Variants in DICER1 observed in about 807,000 individuals in gnomAD.
DICER1 encodes the protein endoribonuclease Dicer.
A neutral mutation model predicts 194.1 loss-of-function variants in DICER1; 43 were observed. The observed-to-expected ratio is 0.22, with a 90% CI of 0.17 to 0.29. The LOEUF (loss-of-function observed/expected upper bound fraction) is 0.29. Among genes scored for constraint, DICER1 ranks in the 10% least tolerant of loss-of-function variants. DICER1 has a pLI of 1.00. For missense variants in DICER1, 1,608 were observed against 2,317.0 expected, an observed-to-expected ratio of 0.69 and a Z score of 6.28; for synonymous variants, 832 against 820.5, an observed-to-expected ratio of 1.01 and a Z score of -0.24.
chr14:95,146,855 C>T (rs151303305), intron 1 of DICER1, among the ~76,000 whole-genome samples: 105 of 151,702 alleles, frequency 6.9e-4, no homozygotes, highest in African/African-American at 2.5e-3. Flanking sequence ...CTTTTATTTA[C>T]AGTGAGACTA....
Position 95,103,553 on chromosome 14 carries a change from A to C in DICER1, c.3843T>G (p.Pro1281=), listed in dbSNP as rs968348779. 1.2e-6 allele frequency: 2 copies of C among 1,614,060 alleles called. No homozygotes were observed. Among genetic ancestry groups the C allele is most frequent in the African/African-American group, 2.7e-5 (2 of 74,930 alleles). Reference sequence around the variant, plus strand: ...GAGTCCTTGAGGAGTACCCAATAGAAGGGCTCTGCTCAGAATCCATCCTGC... The same window carrying C: ...GAGTCCTTGAGGAGTACCCAATAGACGGGCTCTGCTCAGAATCCATCCTGC... ...LKGRMDSEQS[P]SIGYSSRTLG... is the part of the protein sequence containing the mutation. The change falls in exon 21 of 27, where the codon CCT becomes CCG. Residue 1281 remains proline, a synonymous_variant. Transcript: ENST00000343455.
At chr14:95,154,672 G>A (rs1895725852) in intron 1 of DICER1, among the ~76,000 whole-genome samples, 1 of 152,174 alleles carries the variant, frequency 6.6e-6, no homozygotes, top group African/African-American at 2.4e-5. Context: ...ACAGGAAGTA[G>A]AATGGTGGTT....
At chr14:95,115,169 C>T (rs535927550) in intron 11 of DICER1, among the ~76,000 whole-genome samples, 1 of 152,194 alleles carries the variant, frequency 6.6e-6, no homozygotes, top group Non-Finnish European at 1.5e-5. Context: ...CTTATACTTG[C>T]TCTTTTGTCT....
chr14:95,129,335 C>G lies in DICER1; in HGVS notation c.734+137G>C. 5.2e-6 allele frequency: 4 copies of G among 771,312 alleles called. No individual in the cohort carries two copies. In the South Asian group the frequency reaches 6.4e-5, roughly 12 times the overall value. 47.8% of individuals were successfully genotyped at this position (771,312 alleles called of 1,614,324 possible). ...CAGGTAATGGTACTTATAGAGAATT[C>G]TTACTCTTGCCCATTCCTTTTTACT... On this transcript the variant is annotated intron_variant, in intron 6 of 26. Coordinates refer to ENST00000343455, the MANE Select transcript of DICER1 (RefSeq NM_177438.3).
rs1173178344 is a variant in DICER1, at chr14:95,105,306, A to C, written c.3094-60T>G. 24 of 1,462,568 alleles carry C rather than the reference A, an allele frequency of 1.6e-5. No homozygotes were observed. The highest frequency in any genetic ancestry group is 1.9e-6 in the Non-Finnish European group (2 of 1,049,158). The allele number at this position is 1,462,568 out of a possible 1,614,324, so 90.6% of individuals were successfully genotyped here. A position where few individuals can be genotyped will look rare whatever the true frequency, so the allele number is the denominator to read the frequency against. On this transcript the variant is annotated intron_variant, in intron 19 of 26. Coordinates refer to ENST00000343455, the MANE Select transcript of DICER1 (RefSeq NM_177438.3). This position sits in a 1 kb window ranked among gnomAD's most constrained non-coding sequence, Gnocchi z 4.9. ...AAAGCGCACACACAAAAGAAAAAAA[A>C]AAAGACCAATTTCACTAATGGATAA...
At chr14:95,153,840 C>CA (rs1895673912) in intron 1 of DICER1, among the ~76,000 whole-genome samples, 1 of 152,098 alleles carries the variant, frequency 6.6e-6, no homozygotes, top group Non-Finnish European at 1.5e-5. Context: ...AACTAGCCAT[C>CA]AAAAAATCAA....
chr14:95,157,690 G>T (rs907629799), upstream of DICER1: 1 of 152,434 alleles, frequency 6.6e-6, no homozygotes, highest in Admixed American at 6.5e-5. Context: ...AGGCCGGAGA[G>T]GCGTTTGCGG....
chr14:95,120,162 T>G (rs575239888), intron 8 of DICER1, among the ~76,000 whole-genome samples: 1 of 152,340 alleles, frequency 6.6e-6, no homozygotes, highest in South Asian at 2.1e-4. Flanking sequence ...TGAAATACAT[T>G]ATCAACAACT....
chr14:95,142,417 C>A (rs1450493880), intron 1 of DICER1, among the ~76,000 whole-genome samples: 1 of 152,100 alleles, frequency 6.6e-6, no homozygotes, highest in Non-Finnish European at 1.5e-5. Context: ...TAGTAGGATG[C>A]AAAGACCACG....
chr14:95,112,147 G>C (rs545004827), intron 13 of DICER1, 25 bp downstream of exon 13: 2 of 1,593,670 alleles, frequency 1.3e-6, no homozygotes, highest in Admixed American at 3.3e-5. Flanking sequence ...ATTTTCATTC[G>C]TATATGCTTT....
chr14:95,100,726 CTTATTA>C (rs1399241971), intron 21 of DICER1, among the ~76,000 whole-genome samples: 2 of 152,086 alleles, frequency 1.3e-5, no homozygotes, highest in Non-Finnish European at 2.9e-5. Context: ...AGCTCGGTTC[CTTATTA>C]TTAAGTACTT....
intron 1 of DICER1, among the ~76,000 whole-genome samples, chr14:95,154,725 T>A (rs1030444008): frequency 6.6e-6 from 1 of 152,186 alleles, no homozygotes; most frequent in Non-Finnish European, 1.5e-5. Context: ...TTAGTGTTAA[T>A]GAGGACAGTT....
At chr14:95,092,710 T>C (rs1889956044) in intron 24 of DICER1, among the ~76,000 whole-genome samples, 1 of 152,160 alleles carries the variant, frequency 6.6e-6, no homozygotes, top group Non-Finnish European at 1.5e-5. Flanking sequence ...CATATGTTTA[T>C]ATAAACAAAG....
At chr14:95,152,994 ATCACGAGG>A (rs1269672133) in intron 1 of DICER1, among the ~76,000 whole-genome samples, 1 of 151,992 alleles carries the variant, frequency 6.6e-6, no homozygotes, top group Non-Finnish European at 1.5e-5. Context: ...AGACGGGAGG[ATCACGAGG>A]TCAGGAGATC....
chr14:95,151,640 G>A (rs564093685), intron 1 of DICER1, among the ~76,000 whole-genome samples: 3 of 152,222 alleles, frequency 2.0e-5, no homozygotes, highest in African/African-American at 2.4e-5. Flanking sequence ...TCTCTCTGAC[G>A]CCAAACACTT....
chr14:95,114,195 C>G (rs1202879968), intron 11 of DICER1, among the ~76,000 whole-genome samples: 1 of 152,198 alleles, frequency 6.6e-6, no homozygotes, highest in Non-Finnish European at 1.5e-5. Context: ...TTTTTCTCCA[C>G]TAAATTCGAG....
rs886943453 is a variant in DICER1 at position 95,124,654 on chromosome 14, A to G, written c.918T>C (p.Cys306=). The change falls in exon 8 of 27, where the codon TGT becomes TGC. Residue 306 remains cysteine (C), a synonymous_variant. Coordinates refer to ENST00000343455, the MANE Select transcript of DICER1 (RefSeq NM_177438.3). The surrounding 1 kb of genome is among the most constrained non-coding windows in gnomAD (Gnocchi z 4.5). ...TLISKQILSD[C]RAVLVVLGPW... is the part of the protein sequence containing the mutation. ...GTCCCAGAACTACCAATACGGCACG[A>G]CAGTCTGATAGTATCTACAAAAAAA... The G allele has an allele frequency of 3.7e-6, 6 of 1,612,998 alleles. No individual in the cohort carries two copies. Among genetic ancestry groups the G allele is most frequent in the Non-Finnish European group, 5.1e-6 (6 of 1,179,498 alleles).
At chr14:95,155,187 A>T (rs1895765149) in intron 1 of DICER1, among the ~76,000 whole-genome samples, 1 of 152,194 alleles carries the variant, frequency 6.6e-6, no homozygotes, top group Non-Finnish European at 1.5e-5. Context: ...GAGGATTAGA[A>T]GAGAATGTAC....
chr14:95,094,512 C>T (rs535931184), intron 23 of DICER1, among the ~76,000 whole-genome samples: 5 of 152,268 alleles, frequency 3.3e-5, no homozygotes, highest in Non-Finnish European at 7.4e-5. Flanking sequence ...TCGAGTCTCC[C>T]TCACACATCA....
Sources: gnomAD v4.1 joint callset for allele counts (sites outside exome capture counted in the v4.1 genomes callset) on GRCh38, gnomAD v4.1.1 for gene constraint, Gnocchi (gnomAD v3.1) non-coding constraint, MANE v1.5 for transcripts, NCBI Gene and HGNC (gene_info 2026-07-23, HGNC 2026-07-21) for gene names.